PDZD2: variants seen among roughly 807,000 people sequenced by gnomAD.
The protein encoded by PDZD2 is PDZ domain containing 2.
Under a neutral mutation model 220.7 loss-of-function variants are expected in PDZD2, and 90 were observed. That is an observed-to-expected ratio of 0.41 (90% CI 0.34 to 0.49). The LOEUF is 0.49. Ranked by LOEUF, PDZD2 falls within the 20% of genes least tolerant of loss-of-function variation. The pLI, the probability that PDZD2 is intolerant of heterozygous loss-of-function variation, is 0.28. For missense variants in PDZD2, 3,174 were observed against 3,608.5 expected (o/e 0.88, Z 3.08); for synonymous variants, 1,375 against 1,450.5 (o/e 0.95, Z 1.18).
chr5:31,865,069 G>A (rs1280339664), intron 2 of PDZD2, among the ~76,000 whole-genome samples: 8 of 151,232 alleles, frequency 5.3e-5, no homozygotes, highest in Non-Finnish European at 8.8e-5. Context: ...GGATGGTCTC[G>A]ATCTCCTGAC....
chr5:31,957,381 C>A (rs1747807326), intron 2 of PDZD2, among the ~76,000 whole-genome samples: 1 of 152,206 alleles, frequency 6.6e-6, no homozygotes, highest in Admixed American at 6.5e-5. Flanking sequence ...GGAGGTTGCA[C>A]ATCACAGACC....
chr5:31,649,083 G>A (rs986805403), intron 1 of PDZD2, among the ~76,000 whole-genome samples: 3 of 151,898 alleles, frequency 2.0e-5, no homozygotes, highest in South Asian at 2.1e-4. Flanking sequence ...TCACTGTGTC[G>A]TGCAGGCTGG....
chr5:32,084,446 A>C (rs1415927651), intron 19 of PDZD2, among the ~76,000 whole-genome samples: 1 of 152,204 alleles, frequency 6.6e-6, no homozygotes, highest in Admixed American at 6.5e-5. Flanking sequence ...AGGAAAATTA[A>C]ATGTGTACAA....
intron 2 of PDZD2, among the ~76,000 whole-genome samples, chr5:31,865,376 C>T (rs1738118335): frequency 6.6e-6 from 1 of 151,130 alleles, no homozygotes. Flanking sequence ...GCAGTGGCGC[C>T]ATCACAGCTC....
chr5:31,921,695 A>T (rs1471028799), intron 2 of PDZD2, among the ~76,000 whole-genome samples: 1 of 152,164 alleles, frequency 6.6e-6, no homozygotes, highest in Non-Finnish European at 1.5e-5. Flanking sequence ...ATCTCAAAAA[A>T]AAAATTTTTT....
At chr5:31,743,891 G>A (rs1282639584) in intron 1 of PDZD2, 1 of 152,188 alleles carries the variant, frequency 6.6e-6, no homozygotes, top group Non-Finnish European at 1.5e-5. Context: ...ATTTTGAGAG[G>A]CTAGTAGGTG....
chr5:32,096,986 A>G (rs1410501562), intron 21 of PDZD2, among the ~76,000 whole-genome samples: 1 of 151,862 alleles, frequency 6.6e-6, no homozygotes. Context: ...CAAGTGTGCA[A>G]CACCACACCT....
chr5:31,827,362 T>C (rs183855807), intron 2 of PDZD2, among the ~76,000 whole-genome samples: 2 of 152,292 alleles, frequency 1.3e-5, no homozygotes, highest in Admixed American at 6.5e-5. Flanking sequence ...AATAACGATA[T>C]GAAGGAATTT....
chr5:31,680,319 G>C (rs1746602298), intron 1 of PDZD2, among the ~76,000 whole-genome samples: 1 of 152,134 alleles, frequency 6.6e-6, no homozygotes, highest in Non-Finnish European at 1.5e-5. Flanking sequence ...GGAGCCGGTG[G>C]GGAAATGGCA....
intron 1 of PDZD2, chr5:31,661,596 C>T (rs1401575555): frequency 1.3e-5 from 2 of 152,188 alleles, no homozygotes; most frequent in Non-Finnish European, 2.9e-5. Flanking sequence ...CTTATCCTCT[C>T]TTCTCCTCTT....
intron 2 of PDZD2, among the ~76,000 whole-genome samples, chr5:31,956,739 A>G (rs2111658865): frequency 8.5e-6 from 1 of 117,336 alleles, no homozygotes; most frequent in South Asian, 3.2e-4. Flanking sequence ...AGCCTGGGCA[A>G]CAGAGCAAGA....
rs116208998 is a variant in PDZD2, at chr5:31,855,934, G to A, written c.476+56210G>A. Among the ~76,000 whole-genome samples, 206 of 152,210 alleles carry A rather than the reference G, an allele frequency of 1.4e-3. 1 individual carries two copies. The highest frequency in any genetic ancestry group is 4.4e-3 in the African/African-American group (184 of 41,520). ...CTCATGAGATGGAGGGAAAGAAGGC[G>A]GTAACTACAGCTGTCATCCTGGGAA... On this transcript the variant is annotated intron_variant, in intron 2 of 24. Coordinates refer to ENST00000438447, the MANE Select transcript of PDZD2 (RefSeq NM_178140.4).
At chr5:31,880,748 T>C (rs1739787513) in intron 2 of PDZD2, among the ~76,000 whole-genome samples, 1 of 149,210 alleles carries the variant, frequency 6.7e-6, no homozygotes, top group Non-Finnish European at 1.5e-5. Flanking sequence ...TGAGCTCTTA[T>C]AACCTCAGAC....
intron 1 of PDZD2, among the ~76,000 whole-genome samples, chr5:31,785,838 T>G (rs1264131923): frequency 1.3e-5 from 2 of 152,006 alleles, no homozygotes; most frequent in Non-Finnish European, 2.9e-5. Context: ...CGCCCCAAGG[T>G]TCGGTGGTTT....
intron 6 of PDZD2, among the ~76,000 whole-genome samples, chr5:32,034,853 T>C (rs1755412153): frequency 6.6e-6 from 1 of 152,184 alleles, no homozygotes; most frequent in African/African-American, 2.4e-5. Flanking sequence ...TTCTTCTCTG[T>C]GTACATATTG....
intron 1 of PDZD2, among the ~76,000 whole-genome samples, chr5:31,712,473 TCTCTCTCTCC>T (rs777215634): frequency 0.014 from 1,921 of 133,092 alleles, 50 homozygotes; most frequent in African/African-American, 0.045. Context: ...TCTCTCTCTC[TCTCTCTCTCC>T]CCCTCTCTCC....
intron 13 of PDZD2, 49 bp from the exon 14 acceptor site, chr5:32,060,953 T>C (rs1739626801): frequency 6.2e-7 from 1 of 1,605,606 alleles, no homozygotes; most frequent in Non-Finnish European, 8.5e-7. Flanking sequence ...ATTTTAGCTT[T>C]AAGAAGCTGG....
chr5:31,680,671 G>A (rs542044721), intron 1 of PDZD2, among the ~76,000 whole-genome samples: 4 of 152,162 alleles, frequency 2.6e-5, no homozygotes, highest in African/African-American at 9.7e-5. Flanking sequence ...CAGGCTTGTT[G>A]TGGCTCTGCA....
At chr5:32,051,390 C>T (rs759195354) in intron 8 of PDZD2, among the ~76,000 whole-genome samples, 3 of 151,940 alleles carry the variant, frequency 2.0e-5, no homozygotes, top group Non-Finnish European at 4.4e-5. Context: ...TTCTAAGCTG[C>T]CAAAAATACA....
Sources: allele counts gnomAD v4.1 joint callset (sites outside exome capture counted in the v4.1 genomes callset), GRCh38; gene constraint gnomAD v4.1.1; transcripts MANE v1.5; gene names NCBI Gene and HGNC (gene_info 2026-07-23, HGNC 2026-07-21).